TM2D2: variants seen among roughly 807,000 people sequenced by gnomAD.
TM2D2 encodes TM2 domain containing 2.
Under a neutral mutation model 23.0 loss-of-function variants are expected in TM2D2, and 19 were observed. The observed-to-expected ratio is 0.82, with a 90% CI of 0.58 to 1.21. The LOEUF (loss-of-function observed/expected upper bound fraction) is 1.21. Ranked by LOEUF, TM2D2 falls within the 50% of genes most tolerant of loss-of-function variation. The probability of loss-of-function intolerance (pLI) is 0.00; values close to 1 mark genes in which losing one functional copy is unlikely to be tolerated. For missense variants in TM2D2, 246 were observed against 265.4 expected (o/e 0.93, Z 0.51); for synonymous variants, 120 against 108.8 (o/e 1.10, Z -0.64).
At position 38,990,311 on chromosome 8, in the gene TM2D2, T is replaced by C. The variant is rs1245387061; in HGVS notation, c.*1021A>G. 1 of 152,242 alleles carries C rather than the reference T, an allele frequency of 6.6e-6. No homozygotes were observed. Among genetic ancestry groups the C allele is most frequent in the Non-Finnish European group, 1.5e-5 (1 of 68,036 alleles). 9.4% of individuals were successfully genotyped at this position (152,242 alleles called of 1,614,324 possible). ...GTTATTCTGAGTAAAGCCTCTTCCA[T>C]TGACTTGGCCACATTGCCCACCTTT... On this transcript the variant is annotated 3_prime_UTR_variant, in exon 4 of 4. Coordinates refer to ENST00000456397, the MANE Select transcript of TM2D2 (RefSeq NM_078473.3).
intron 3 of TM2D2, among the ~76,000 whole-genome samples, chr8:38,992,291 C>A (rs1456862940): frequency 7.7e-6 from 1 of 129,218 alleles, no homozygotes; most frequent in Non-Finnish European, 1.6e-5. Context: ...CATAGCGAGA[C>A]CCTGTTTCTA....
upstream of TM2D2, chr8:38,996,793 A>G (rs1291161554): frequency 1.4e-6 from 2 of 1,419,862 alleles, no homozygotes; most frequent in East Asian, 2.6e-5. Flanking sequence ...CGGGCCGACT[A>G]GTGCTGGTTG....
At position 38,991,107 on chromosome 8, in the gene TM2D2, A is replaced by C; in HGVS notation, c.*225T>G. ...TTATGTTTTGTGCATGAGGAAAGGA[A>C]CAAATTTGATTCCCCACAACACTTT... On this transcript the variant is annotated 3_prime_UTR_variant, in exon 4 of 4. Transcript: ENST00000456397. 13 of 558,524 alleles carry C rather than the reference A, an allele frequency of 2.3e-5. No individual in the cohort carries two copies. The highest frequency in any genetic ancestry group is 9.3e-5 in the East Asian group (3 of 32,276). 34.6% of individuals were successfully genotyped at this position (558,524 alleles called of 1,614,324 possible).
In TM2D2 at chr8:38,991,020, G is replaced by GCAAT; in HGVS notation, c.*308_*311dup. 2.7e-6 allele frequency: 1 copy of GCAAT among 377,074 alleles called. No individual in the cohort carries two copies. Among genetic ancestry groups the GCAAT allele is most frequent in the South Asian group, 2.9e-5 (1 of 35,070 alleles). The allele number at this position is 377,074 out of a possible 1,614,324, so 23.4% of individuals were successfully genotyped here. A position where few individuals can be genotyped will look rare whatever the true frequency, so the allele number is the denominator to read the frequency against. ...CTTGCTCCAAAGGACTGAAGATATA[G>GCAAT]CAATGTACAGAAAGGAAGACTATGG... On this transcript the variant is annotated 3_prime_UTR_variant, in exon 4 of 4. Transcript: ENST00000456397.
chr8:38,990,136 A>G lies in TM2D2; in HGVS notation c.*1196T>C, dbSNP rs201244053. The G allele has an allele frequency of 1.3e-5, 2 of 152,380 alleles. No individual in the cohort carries two copies. The highest frequency in any genetic ancestry group is 3.9e-4 in the East Asian group (2 of 5,192). 9.4% of individuals were successfully genotyped at this position (152,380 alleles called of 1,614,324 possible). Reference sequence around the variant, plus strand: ...CTTTAATAATGTAAAAACAGTGATTAATCAGGAATGATAAAGCAAGAAATT... The same window carrying G: ...CTTTAATAATGTAAAAACAGTGATTGATCAGGAATGATAAAGCAAGAAATT... On this transcript the variant is annotated 3_prime_UTR_variant, in exon 4 of 4. Transcript: ENST00000456397.
upstream of TM2D2, chr8:38,996,817 A>G: frequency 7.0e-7 from 1 of 1,433,922 alleles, no homozygotes; most frequent in Non-Finnish European, 9.1e-7. Flanking sequence ...CCGCCGGTTT[A>G]GAAATCCTAT....
chr8:38,995,243 CT>C, intron 2 of TM2D2, 74 bp downstream of exon 2: 1 of 1,135,232 alleles, frequency 8.8e-7, no homozygotes, highest in Non-Finnish European at 1.2e-6. Flanking sequence ...ACCTCTTATA[CT>C]TTTATGTAAT....
chr8:38,994,402 T>TA (rs1156602451), intron 2 of TM2D2, among the ~76,000 whole-genome samples: 2 of 152,218 alleles, frequency 1.3e-5, no homozygotes, highest in Non-Finnish European at 2.9e-5. Context: ...GCTTACAGGA[T>TA]AAACTCAATT....
At chr8:38,991,668 ATTTTGTTTTCT>A in intron 3 of TM2D2, 123 bp from the exon 4 acceptor site, 1 of 766,846 alleles carries the variant, frequency 1.3e-6, no homozygotes, top group South Asian at 1.7e-5. Context: ...TTTACCCTCC[ATTTTGTTTTCT>A]TTTATGATAT....
intron 3 of TM2D2, among the ~76,000 whole-genome samples, chr8:38,992,303 CAAAAAAAAA>C (rs11332696): frequency 2.1e-5 from 1 of 47,392 alleles, no homozygotes; most frequent in Non-Finnish European, 3.5e-5. Flanking sequence ...CTGTTTCTAC[CAAAAAAAAA>C]AAAAAAAAAA....
intron 1 of TM2D2, 49 bp downstream of exon 1, chr8:38,996,161 ATAT>A (rs1421622190): frequency 1.3e-6 from 2 of 1,580,344 alleles, no homozygotes; most frequent in Non-Finnish European, 1.7e-6. Flanking sequence ...TAACACCCAT[ATAT>A]TCCTGGCACA....
chr8:38,993,914 C>A (rs28589563), intron 2 of TM2D2: 160 of 274,018 alleles, frequency 5.8e-4, no homozygotes, highest in African/African-American at 2.5e-3. Context: ...GTAAAAAAAA[C>A]CCCCAAACAC....
At position 38,989,854 on chromosome 8, in the gene TM2D2, C is replaced by CAAT. The variant is rs1835553148; in HGVS notation, c.*1475_*1477dup. ...TGTATAAATTTATAGGGTACCAGTA[C>CAAT]AATTTTATTTCATGCATAAATTGTG... On this transcript the variant is annotated 3_prime_UTR_variant, in exon 4 of 4. Coordinates refer to ENST00000456397, the MANE Select transcript of TM2D2 (RefSeq NM_078473.3). 1 of 152,082 alleles carries CAAT rather than the reference C, an allele frequency of 6.6e-6. No individual in the cohort carries two copies. Among genetic ancestry groups the CAAT allele is most frequent in the Non-Finnish European group, 1.5e-5 (1 of 68,020 alleles). The allele number at this position is 152,082 out of a possible 1,614,324, so 9.4% of individuals were successfully genotyped here. A position where few individuals can be genotyped will look rare whatever the true frequency, so the allele number is the denominator to read the frequency against.
At position 38,996,202 on chromosome 8, in the gene TM2D2, T is replaced by C; in HGVS notation, c.227+11A>G. On this transcript the variant is annotated intron_variant, in intron 1 of 3. Transcript: ENST00000456397. ...CTCCACGTCCACCCGCCTCGACCAC[T>C]GGTAGCTTACAGGTAAGAGCAGAGG... The C allele has an allele frequency of 1.2e-6, 2 of 1,607,518 alleles. No homozygotes were observed. The highest frequency in any genetic ancestry group is 1.7e-6 in the Non-Finnish European group (2 of 1,175,040).
rs1331196630 is a variant in TM2D2 at position 38,990,170 on chromosome 8, A to G, written c.*1162T>C. Reference sequence around the variant, plus strand: ...TGATAAAGCAAGAAATTCTTAGGAAAGCTACAAAATGATAGAATGTATCCA... The same window carrying G: ...TGATAAAGCAAGAAATTCTTAGGAAGGCTACAAAATGATAGAATGTATCCA... On this transcript the variant is annotated 3_prime_UTR_variant, in exon 4 of 4. Transcript: ENST00000456397. 1 of 152,252 alleles carries G rather than the reference A, an allele frequency of 6.6e-6. No homozygotes were observed. Among genetic ancestry groups the G allele is most frequent in the African/African-American group, 2.4e-5 (1 of 41,474 alleles). 9.4% of individuals were successfully genotyped at this position (152,252 alleles called of 1,614,324 possible). A position where few individuals can be genotyped will look rare whatever the true frequency, so the allele number is the denominator to read the frequency against.
rs1207637432 is a variant in TM2D2, at chr8:38,989,975, T to C, written c.*1357A>G. Reference sequence around the variant, plus strand: ...TGACCCATAAAAATTTAATAAATACTATCTTAGGGTATAAAGATTATGAAT... The same window carrying C: ...TGACCCATAAAAATTTAATAAATACCATCTTAGGGTATAAAGATTATGAAT... On this transcript the variant is annotated 3_prime_UTR_variant, in exon 4 of 4. Coordinates refer to ENST00000456397, the MANE Select transcript of TM2D2 (RefSeq NM_078473.3). The C allele has an allele frequency of 6.6e-6, 1 of 152,222 alleles. No homozygotes were observed. Among genetic ancestry groups the C allele is most frequent in the Non-Finnish European group, 1.5e-5 (1 of 68,028 alleles). The allele number at this position is 152,222 out of a possible 1,614,324, so 9.4% of individuals were successfully genotyped here.
At chr8:38,994,825 T>A (rs1445848678) in intron 2 of TM2D2, among the ~76,000 whole-genome samples, 1 of 151,876 alleles carries the variant, frequency 6.6e-6, no homozygotes, top group Non-Finnish European at 1.5e-5. Flanking sequence ...AACGCTTTAA[T>A]GTCCTACAAA....
chr8:38,993,302 A>G (rs957315530), intron 3 of TM2D2, among the ~76,000 whole-genome samples: 3 of 152,214 alleles, frequency 2.0e-5, no homozygotes, highest in African/African-American at 7.2e-5. Flanking sequence ...ATCAAAAAAT[A>G]ACAATGAGCT....
intron 3 of TM2D2, among the ~76,000 whole-genome samples, chr8:38,992,484 T>C (rs537647076): frequency 9.4e-5 from 11 of 117,424 alleles, no homozygotes; most frequent in Admixed American, 2.9e-4. Flanking sequence ...AGACCCCATC[T>C]CCAAAAAAAA....
Sources: gnomAD v4.1 joint callset for allele counts (sites outside exome capture counted in the v4.1 genomes callset) on GRCh38, gnomAD v4.1.1 for gene constraint, MANE v1.5 for transcripts, NCBI Gene and HGNC (gene_info 2026-07-23, HGNC 2026-07-21) for gene names.